EXOC4: variants seen among roughly 807,000 people sequenced by gnomAD.
The protein encoded by EXOC4 is SEC8-like 1.
Under a neutral mutation model 107.2 loss-of-function variants are expected in EXOC4, and 71 were observed. The observed-to-expected ratio is 0.66, with a 90% confidence interval of 0.55 to 0.81. The LOEUF (loss-of-function observed/expected upper bound fraction) is 0.81, where lower values mean the gene tolerates loss of function less well. Ranked by LOEUF, EXOC4 falls within the 30% of genes least tolerant of loss-of-function variation. EXOC4 has a pLI of 0.00. For synonymous variants in EXOC4, 456 were observed against 441.2 expected (o/e 1.03, Z -0.42); for missense variants, 1,108 against 1,189.6 (o/e 0.93, Z 1.01).
chr7:133,713,664 T>TG (rs1384803081), intron 10 of EXOC4, among the ~76,000 whole-genome samples: 1 of 152,142 alleles, frequency 6.6e-6, no homozygotes, highest in African/African-American at 2.4e-5. Flanking sequence ...AATTGAATCA[T>TG]GGGGGGTGGT....
chr7:133,625,075 A>G (rs1802422876), intron 9 of EXOC4, among the ~76,000 whole-genome samples: 1 of 152,224 alleles, frequency 6.6e-6, no homozygotes, highest in Non-Finnish European at 1.5e-5. Context: ...AAATAAGGCA[A>G]GCATGTTTTA....
chr7:133,704,557 A>G (rs1343571554), intron 10 of EXOC4, among the ~76,000 whole-genome samples: 1 of 152,258 alleles, frequency 6.6e-6, no homozygotes, highest in Non-Finnish European at 1.5e-5. Flanking sequence ...GCACAAAAAT[A>G]CAGTGAGTAA....
rs945374449 is a variant in EXOC4, at chr7:133,275,479, A to G, written c.276+308A>G. 5.3e-5 allele frequency among the ~76,000 whole-genome samples: 8 copies of G among 152,164 alleles called. 1 individual carries two copies. Among genetic ancestry groups the G allele is most frequent in the Admixed American group, 2.0e-4 (3 of 15,268 alleles). Reference sequence around the variant, plus strand: ...TACGATCCATCCCTAACAAACCAGAAGGCATACTGGCCCTTGTATTCTCCA... The same window carrying G: ...TACGATCCATCCCTAACAAACCAGAGGGCATACTGGCCCTTGTATTCTCCA... On this transcript the variant is annotated intron_variant, in intron 2 of 17. Coordinates refer to ENST00000253861, the MANE Select transcript of EXOC4 (RefSeq NM_021807.4).
intron 9 of EXOC4, among the ~76,000 whole-genome samples, chr7:133,578,383 C>T (rs1369829459): frequency 6.6e-6 from 1 of 152,150 alleles, no homozygotes. Flanking sequence ...GCTTCTTGTT[C>T]TCCAGTCACA....
intron 14 of EXOC4, among the ~76,000 whole-genome samples, chr7:133,965,269 T>C (rs537013840): frequency 6.6e-6 from 1 of 152,348 alleles, no homozygotes; most frequent in South Asian, 2.1e-4. Context: ...TTGTCTCCCA[T>C]TCTGTAGGTT....
intron 8 of EXOC4, among the ~76,000 whole-genome samples, chr7:133,477,179 C>T (rs1799035679): frequency 6.6e-6 from 1 of 152,090 alleles, no homozygotes; most frequent in Non-Finnish European, 1.5e-5. Context: ...TAACTAAATT[C>T]CATAGTTTAC....
chr7:133,579,561 A>G (rs1801204574), intron 9 of EXOC4, among the ~76,000 whole-genome samples: 1 of 152,216 alleles, frequency 6.6e-6, no homozygotes, highest in Non-Finnish European at 1.5e-5. Flanking sequence ...TTGTAGTTCA[A>G]CCATCACCAC....
At chr7:133,808,014 A>G (rs919899736) in intron 10 of EXOC4, among the ~76,000 whole-genome samples, 5 of 152,132 alleles carry the variant, frequency 3.3e-5, no homozygotes, top group Non-Finnish European at 7.3e-5. Flanking sequence ...AATGATTTTT[A>G]CCTCTTTTCT....
Position 133,932,264 on chromosome 7 carries a change from A to C in EXOC4, c.2028-5627A>C, listed in dbSNP as rs1800194942. Among the ~76,000 whole-genome samples, 3 of 152,334 alleles carry C rather than the reference A, an allele frequency of 2.0e-5. No homozygotes were observed. The Middle Eastern group carries it at 0.01, about 518-fold the overall frequency. On this transcript the variant is annotated intron_variant, in intron 13 of 17. Coordinates refer to ENST00000253861, the MANE Select transcript of EXOC4 (RefSeq NM_021807.4). ...TCATTTCCAGAAACAGCACGCTGGG[A>C]AGAAACTTAAAGAGCACTGTCAAGG...
chr7:133,457,514 T>A (rs1444825735), intron 7 of EXOC4, among the ~76,000 whole-genome samples: 1 of 152,158 alleles, frequency 6.6e-6, no homozygotes, highest in Non-Finnish European at 1.5e-5. Flanking sequence ...CTCGCCATAT[T>A]GAGTGGGATC....
At chr7:133,424,164 G>C (rs1304375647) in intron 7 of EXOC4, among the ~76,000 whole-genome samples, 1 of 152,178 alleles carries the variant, frequency 6.6e-6, no homozygotes, top group Non-Finnish European at 1.5e-5. Context: ...CAGCAACCTG[G>C]TGGGGTCACC....
Position 133,855,029 on chromosome 7 carries a change from A to G in EXOC4, c.1734+37485A>G, listed in dbSNP as rs1425085265. Among the ~76,000 whole-genome samples the G allele has an allele frequency of 5.1e-5, 7 of 136,574 alleles. No individual in the cohort carries two copies. The South Asian group carries it at 8.7e-4, about 17-fold the overall frequency. 89.6% of individuals were successfully genotyped at this position (136,574 alleles called of 152,430 possible). A position where few individuals can be genotyped will look rare whatever the true frequency, so the allele number is the denominator to read the frequency against. On this transcript the variant is annotated intron_variant, in intron 11 of 17. Coordinates refer to ENST00000253861, the MANE Select transcript of EXOC4 (RefSeq NM_021807.4). ...CTTCTCTATTCCTAAGGCTATATAT[A>G]TATCTAAATATATATATATCTAAAT...
intron 14 of EXOC4, among the ~76,000 whole-genome samples, chr7:133,979,517 G>T (rs1302628842): frequency 6.6e-6 from 1 of 152,166 alleles, no homozygotes; most frequent in East Asian, 1.9e-4. Flanking sequence ...GCTGGGTGCG[G>T]TGGCTCACGC....
intron 1 of EXOC4, among the ~76,000 whole-genome samples, chr7:133,269,304 A>G (rs1041340361): frequency 6.6e-6 from 1 of 152,212 alleles, no homozygotes; most frequent in Non-Finnish European, 1.5e-5. Flanking sequence ...TGTAACATGT[A>G]TAGTAGAAAG....
chr7:133,822,222 T>G (rs775444634), intron 11 of EXOC4, among the ~76,000 whole-genome samples: 3 of 152,230 alleles, frequency 2.0e-5, no homozygotes, highest in African/African-American at 7.2e-5. Flanking sequence ...AAACAGTCCA[T>G]TGAAGTGGAT....
intron 9 of EXOC4, among the ~76,000 whole-genome samples, chr7:133,490,098 A>G (rs1007161838): frequency 2.6e-5 from 4 of 152,170 alleles, no homozygotes; most frequent in South Asian, 2.1e-4. Flanking sequence ...TAGACCATGC[A>G]GGTGAGGCAG....
chr7:134,045,112 G>A (rs1795618297), intron 17 of EXOC4, among the ~76,000 whole-genome samples: 1 of 152,166 alleles, frequency 6.6e-6, no homozygotes, highest in Non-Finnish European at 1.5e-5. Context: ...TATAGTAAGT[G>A]TTAAATGCTA....
At chr7:133,755,314 T>A (rs1433111880) in intron 10 of EXOC4, among the ~76,000 whole-genome samples, 26 of 105,724 alleles carry the variant, frequency 2.5e-4, no homozygotes, top group Middle Eastern at 4.2e-3. Flanking sequence ...ATATATATAT[T>A]ATATATATAT....
At chr7:133,642,208 G>A (rs1258194738) in intron 10 of EXOC4, among the ~76,000 whole-genome samples, 1 of 151,940 alleles carries the variant, frequency 6.6e-6, no homozygotes, top group Admixed American at 6.6e-5. Context: ...CTATATACCA[G>A]ACACTGTCCT....
Sources: allele counts gnomAD v4.1 joint callset (sites outside exome capture counted in the v4.1 genomes callset), GRCh38; gene constraint gnomAD v4.1.1; transcripts MANE v1.5; gene names NCBI Gene and HGNC (gene_info 2026-07-23, HGNC 2026-07-21).